The following SI variants were observed in gnomAD, a reference collection of about 807,000 sequenced individuals.
SI encodes the protein sucrase-isomaltase.
Under a neutral mutation model 253.3 loss-of-function variants are expected in SI, and 235 were observed. The observed-to-expected ratio is 0.93, with a 90% CI of 0.83 to 1.03. The LOEUF is 1.03. Ranked by LOEUF, SI falls within the 50% of genes least tolerant of loss-of-function variation. SI has a pLI of 0.00. For missense variants in SI, 2,442 were observed against 2,211.1 expected (o/e 1.10, Z -2.09); for synonymous variants, 819 against 712.0 (o/e 1.15, Z -2.39).
At position 164,996,725 on chromosome 3, in the gene SI, TAAAA is replaced by T. The variant is rs745560836; in HGVS notation, c.4575+9_4575+12del. On this transcript the variant is annotated intron_variant, in intron 39 of 47. Transcript: ENST00000264382. ...TTATAATTTATGAAGATAAAAGGAA[TAAAA>T]CTACTTACATATGACATTCCAAACA... 1 of 1,177,090 alleles carries T rather than the reference TAAAA, an allele frequency of 8.5e-7. No homozygotes were observed. The highest frequency in any genetic ancestry group is 1.3e-5 in the South Asian group (1 of 79,206). The allele number at this position is 1,177,090 out of a possible 1,614,324, so 72.9% of individuals were successfully genotyped here. A position where few individuals can be genotyped will look rare whatever the true frequency, so the allele number is the denominator to read the frequency against.
At chr3:165,026,538 T>A (rs1483557149) in intron 25 of SI, among the ~76,000 whole-genome samples, 1 of 151,438 alleles carries the variant, frequency 6.6e-6, no homozygotes, top group Admixed American at 6.6e-5. Context: ...TACATTCTAT[T>A]CATCAGCACA....
intron 37 of SI, among the ~76,000 whole-genome samples, chr3:165,003,331 C>G (rs1036918951): frequency 6.6e-6 from 1 of 151,528 alleles, no homozygotes; most frequent in African/African-American, 2.4e-5. Flanking sequence ...TATTTTTGTT[C>G]TTTTTAATGT....
chr3:165,009,814 C>G (rs1718690409), intron 34 of SI, among the ~76,000 whole-genome samples: 1 of 152,136 alleles, frequency 6.6e-6, no homozygotes. Flanking sequence ...AACCATCTCA[C>G]CACCCTCATC....
At chr3:165,041,587 C>G (rs533092814) in intron 17 of SI, among the ~76,000 whole-genome samples, 1 of 152,160 alleles carries the variant, frequency 6.6e-6, no homozygotes, top group Non-Finnish European at 1.5e-5. Flanking sequence ...TATCCCATTG[C>G]TATTAGAATT....
chr3:165,007,392 A>G (rs1349232123), intron 36 of SI, among the ~76,000 whole-genome samples: 4 of 152,076 alleles, frequency 2.6e-5, no homozygotes, highest in African/African-American at 7.2e-5. Flanking sequence ...TTCTGCCTGC[A>G]TAAGAGAATG....
At chr3:164,992,123 A>G (rs1717779482) in intron 43 of SI, 54 bp downstream of exon 43, 3 of 1,449,396 alleles carry the variant, frequency 2.1e-6, no homozygotes, top group Non-Finnish European at 2.9e-6. Flanking sequence ...GGCTAGGGCC[A>G]AACAATTACC....
chr3:165,071,483 A>G (rs140783465), intron 3 of SI, among the ~76,000 whole-genome samples: 42 of 151,296 alleles, frequency 2.8e-4, no homozygotes, highest in African/African-American at 9.9e-4. Context: ...TATATACATT[A>G]TAAGTGATTA....
chr3:165,069,170 C>T lies in SI; in HGVS notation c.281G>A (p.Cys94Tyr), dbSNP rs768559234. 4 of 1,612,798 alleles carry T rather than the reference C, an allele frequency of 2.5e-6. No homozygotes were observed. In the African/African-American group the frequency reaches 5.3e-5, roughly 22 times the overall value. The change falls in exon 4 of 48, where the codon TGC becomes TAC. Residue 94 changes from cysteine to tyrosine, a missense_variant. Transcript: ENST00000264382. Reference protein sequence around the residue: ...TEGICAQRGCCWRPWNDSLIP... With the variant: ...TEGICAQRGCYWRPWNDSLIP... ...AAGAGAGTCATTCCACGGCCTCCAGCAGCAGCCTCTCTGTGCACAAATTCC... is the reference window on the plus strand; with the variant it reads ...AAGAGAGTCATTCCACGGCCTCCAGTAGCAGCCTCTCTGTGCACAAATTCC...
chr3:165,028,352 A>G (rs1477143784), intron 25 of SI, among the ~76,000 whole-genome samples: 1 of 151,480 alleles, frequency 6.6e-6, no homozygotes, highest in Non-Finnish European at 1.5e-5. Flanking sequence ...TATTGTGAAA[A>G]TGACCATACT....
intron 12 of SI, among the ~76,000 whole-genome samples, chr3:165,056,053 T>C (rs1443982830): frequency 6.6e-6 from 1 of 152,180 alleles, no homozygotes; most frequent in African/African-American, 2.4e-5. Flanking sequence ...TTATTTTACA[T>C]TATTTGACTT....
intron 24 of SI, among the ~76,000 whole-genome samples, chr3:165,031,981 C>G (rs1365703977): frequency 1.3e-5 from 2 of 150,980 alleles, no homozygotes; most frequent in Non-Finnish European, 3.0e-5. Flanking sequence ...TATACTACAA[C>G]TGTAAAAAGA....
At chr3:164,989,705 A>T (rs576983319) in intron 44 of SI, among the ~76,000 whole-genome samples, 8 of 152,266 alleles carry the variant, frequency 5.3e-5, no homozygotes, top group African/African-American at 1.9e-4. Context: ...AGCAATACTG[A>T]CTTAAAGCTT....
chr3:164,980,280 C>T (rs1011531353), intron 47 of SI, among the ~76,000 whole-genome samples: 5 of 151,938 alleles, frequency 3.3e-5, no homozygotes, highest in East Asian at 1.9e-4. Flanking sequence ...ATTGAGTATT[C>T]GTTAGACAGG....
At position 164,982,409 on chromosome 3, in the gene SI, G is replaced by T. The variant is rs771484840; in HGVS notation, c.5249C>A (p.Thr1750Asn). The T allele has an allele frequency of 1.2e-5, 20 of 1,605,660 alleles. No homozygotes were observed. The South Asian group carries it at 2.2e-4, about 18-fold the overall frequency. Residue 1750 changes from threonine (T) to asparagine (N), a missense_variant and splice_region_variant, in exon 47 of 48, where the codon ACC becomes AAC. Coordinates refer to ENST00000264382, the MANE Select transcript of SI (RefSeq NM_001041.4). ...CTTCAATATAGTGCTTGTTAAGGTG[G>T]TCTATAAATAAAGAAAAAGGAATAA... is the stretch of plus-strand genomic sequence containing the variant. Reference protein sequence around the residue: ...YLSVQFNLNQTTLTSTILKRG... With the variant: ...YLSVQFNLNQNTLTSTILKRG...
intron 20 of SI, among the ~76,000 whole-genome samples, chr3:165,038,287 G>C (rs1402125771): frequency 6.6e-6 from 1 of 151,570 alleles, no homozygotes; most frequent in Non-Finnish European, 1.5e-5. Context: ...ACTTTAATTA[G>C]CTTTTTTATT....
At chr3:165,016,483 A>G (rs1719037449) in intron 31 of SI, among the ~76,000 whole-genome samples, 2 of 151,968 alleles carry the variant, frequency 1.3e-5, no homozygotes, top group African/African-American at 2.4e-5. Context: ...TGTTTCCGGG[A>G]AGTATACAGC....
At chr3:165,059,552 G>A (rs543239114) in intron 10 of SI, among the ~76,000 whole-genome samples, 77 of 151,794 alleles carry the variant, frequency 5.1e-4, no homozygotes, top group Non-Finnish European at 8.0e-4. Flanking sequence ...TTTTATATAC[G>A]TGGATTTCAA....
Position 165,055,256 on chromosome 3 carries a change from C to G in SI, c.1450G>C (p.Asp484His). Reference protein sequence around the residue: ...YPDFTNPNCIDWWANECSIFH... With the variant: ...YPDFTNPNCIHWWANECSIFH... The stretch of plus-strand genomic sequence containing the variant: ...ATACTGCATTCATTTGCCCACCAAT[C>G]AATGCAGTTTGGGTTAGTGAAATCA... Residue 484 changes from aspartate (D) to histidine (H), a missense_variant, in exon 13 of 48, where the codon GAT becomes CAT. Physicochemically the swap from Asp to His is moderately conservative, Grantham distance 81. Coordinates refer to ENST00000264382, the MANE Select transcript of SI (RefSeq NM_001041.4). 1 of 1,612,000 alleles carries G rather than the reference C, an allele frequency of 6.2e-7. No individual in the cohort carries two copies. Among genetic ancestry groups the G allele is most frequent in the Non-Finnish European group, 8.5e-7 (1 of 1,178,664 alleles).
chr3:164,989,242 G>A (rs943837692), intron 44 of SI, among the ~76,000 whole-genome samples: 2 of 151,350 alleles, frequency 1.3e-5, no homozygotes, highest in East Asian at 3.9e-4. Flanking sequence ...ATACTTGGGA[G>A]GCTGTGGCAG....
Sources: gnomAD v4.1 joint callset for allele counts (sites outside exome capture counted in the v4.1 genomes callset) on GRCh38, gnomAD v4.1.1 for gene constraint, MANE v1.5 for transcripts, NCBI Gene and HGNC (gene_info 2026-07-23, HGNC 2026-07-21) for gene names.